Variants in NFAM1 observed in about 807,000 individuals in gnomAD.
The protein encoded by NFAM1 is NFAT activation molecule 1.
NFAM1 carries 17 observed loss-of-function variants against 29.0 expected under a neutral mutation model. The observed-to-expected ratio is 0.59, with a 90% CI of 0.40 to 0.88. The LOEUF is 0.88. Among genes scored for constraint, NFAM1 ranks in the 40% least tolerant of loss-of-function variants. The pLI is 0.00. For missense variants in NFAM1, 324 were observed against 344.6 expected, an observed-to-expected ratio of 0.94 and a Z score of 0.47; for synonymous variants, 175 against 147.2, an observed-to-expected ratio of 1.19 and a Z score of -1.36.
intron 4 of NFAM1, among the ~76,000 whole-genome samples, chr22:42,396,936 G>GGGGAGCGTGCACCTT (rs1929547691): frequency 6.8e-6 from 1 of 147,344 alleles, no homozygotes; most frequent in African/African-American, 2.6e-5. Context: ...GCGTGCACCT[G>GGGGAGCGTGCACCTT]GGGGGCGTGC....
chr22:42,422,079 T>G (rs746279194), intron 1 of NFAM1, among the ~76,000 whole-genome samples: 11 of 152,176 alleles, frequency 7.2e-5, no homozygotes, highest in Non-Finnish European at 1.2e-4. Flanking sequence ...AATGGCGCCA[T>G]CGGACAGGTT....
Position 42,388,960 on chromosome 22 carries a change from C to A in NFAM1, c.664-1882G>T, listed in dbSNP as rs917626956. On this transcript the variant is annotated intron_variant, in intron 4 of 5. Coordinates refer to ENST00000329021, the MANE Select transcript of NFAM1 (RefSeq NM_145912.8). The surrounding 1 kb of genome is among the most constrained non-coding windows in gnomAD (Gnocchi z 4.1). ...CTTCGTGCCTGTCCGGAGCACCAGC[C>A]ACCCCAGCTGGTCTGGCACCCAGGA... is the stretch of plus-strand genomic sequence containing the variant. Among the ~76,000 whole-genome samples, 3 of 152,330 alleles carry A rather than the reference C, an allele frequency of 2.0e-5. No homozygotes were observed. Among genetic ancestry groups the A allele is most frequent in the Middle Eastern group, 3.4e-3 (1 of 294 alleles).
chr22:42,400,126 G>A (rs562093202), intron 3 of NFAM1, among the ~76,000 whole-genome samples: 1 of 152,360 alleles, frequency 6.6e-6, no homozygotes, highest in Admixed American at 6.5e-5. Context: ...ATCCAGGTCT[G>A]TGTTTCACCA....
At chr22:42,410,489 T>C (rs956087980) in intron 2 of NFAM1, 1 of 382,898 alleles carries the variant, frequency 2.6e-6, no homozygotes, top group Admixed American at 2.9e-5. Flanking sequence ...CGAAATCTTG[T>C]CTCTATTAAA....
rs6002732 is a variant in NFAM1 at position 42,420,756 on chromosome 22, C to T, written c.122-9020G>A. Among the ~76,000 whole-genome samples, 315 of 152,054 alleles carry T rather than the reference C, an allele frequency of 2.1e-3. 1 individual carries two copies. Among genetic ancestry groups the T allele is most frequent in the African/African-American group, 6.5e-3 (268 of 41,436 alleles). On this transcript the variant is annotated intron_variant, in intron 1 of 5. Transcript: ENST00000329021. The stretch of plus-strand genomic sequence containing the variant: ...CTGCACTCCAGCCTGTGTGACAGAG[C>T]GAGACTCTGTCACAAACAAACAAAC...
chr22:42,394,878 G>A (rs894957794), intron 4 of NFAM1, among the ~76,000 whole-genome samples: 5 of 152,142 alleles, frequency 3.3e-5, no homozygotes, highest in African/African-American at 4.8e-5. Flanking sequence ...AGCACTTTGA[G>A]AGGCCAAGGT....
At chr22:42,397,317 G>A (rs1395305976) in intron 4 of NFAM1, among the ~76,000 whole-genome samples, 3 of 152,182 alleles carry the variant, frequency 2.0e-5, no homozygotes, top group Non-Finnish European at 4.4e-5. Flanking sequence ...CTACAACACA[G>A]CAGAGAGTGG....
chr22:42,406,296 T>C (rs1929896167), intron 3 of NFAM1, among the ~76,000 whole-genome samples: 1 of 152,240 alleles, frequency 6.6e-6, no homozygotes, highest in Non-Finnish European at 1.5e-5. Flanking sequence ...CCGGCTCCTG[T>C]CATCTCTGCC....
chr22:42,416,646 G>A (rs1293854002), intron 1 of NFAM1, among the ~76,000 whole-genome samples: 1 of 152,102 alleles, frequency 6.6e-6, no homozygotes, highest in Non-Finnish European at 1.5e-5. Flanking sequence ...CAGGGCATCC[G>A]GCCTGCCCCG....
In NFAM1 at chr22:42,411,830, G is replaced by C. The variant is rs1930105871; in HGVS notation, c.122-94C>G. 11 of 796,338 alleles carry C rather than the reference G, an allele frequency of 1.4e-5. No individual in the cohort carries two copies. In the South Asian group the frequency reaches 1.8e-4, roughly 13 times the overall value. The allele number at this position is 796,338 out of a possible 1,614,324, so 49.3% of individuals were successfully genotyped here. On this transcript the variant is annotated intron_variant, in intron 1 of 5. Coordinates refer to ENST00000329021, the MANE Select transcript of NFAM1 (RefSeq NM_145912.8). Reference sequence around the variant, plus strand: ...TTAAGGCTCACGACCGGGTGCGGTGGCTCACACCTGTAATTCCAACACTTT... The same window carrying C: ...TTAAGGCTCACGACCGGGTGCGGTGCCTCACACCTGTAATTCCAACACTTT...
chr22:42,392,403 T>C (rs1929375093), intron 4 of NFAM1, among the ~76,000 whole-genome samples: 1 of 151,884 alleles, frequency 6.6e-6, no homozygotes, highest in South Asian at 2.1e-4. Context: ...GTGGAGTCAA[T>C]GGTGACCCTG....
At chr22:42,433,530 T>G (rs1194511043), upstream of NFAM1, among the ~76,000 whole-genome samples, 1 of 152,120 alleles carries the variant, frequency 6.6e-6, no homozygotes, top group African/African-American at 2.4e-5. Flanking sequence ...CTCAGGTGTG[T>G]CCAGCTGCAG....
intron 4 of NFAM1, among the ~76,000 whole-genome samples, chr22:42,389,288 G>C (rs1214859743): frequency 6.6e-6 from 1 of 152,178 alleles, no homozygotes; most frequent in Non-Finnish European, 1.5e-5. Context: ...TACAGTGGGG[G>C]AGTCGGGGAA....
intron 2 of NFAM1, 114 bp downstream of exon 2, chr22:42,411,293 G>C: frequency 1.3e-6 from 1 of 790,160 alleles, no homozygotes; most frequent in African/African-American, 1.7e-5. Flanking sequence ...CAAAGTGCTG[G>C]GATGTGTGAG....
intron 1 of NFAM1, among the ~76,000 whole-genome samples, chr22:42,425,016 G>T (rs2030326835): frequency 6.6e-6 from 1 of 151,956 alleles, no homozygotes; most frequent in Non-Finnish European, 1.5e-5. Flanking sequence ...CTACCTCCCA[G>T]GTTCAAACAA....
chr22:42,422,409 C>T (rs1449174203), intron 1 of NFAM1, among the ~76,000 whole-genome samples: 1 of 151,752 alleles, frequency 6.6e-6, no homozygotes, highest in African/African-American at 2.4e-5. Context: ...AGTTCGAGAC[C>T]AGACTGGCCA....
intron 4 of NFAM1, among the ~76,000 whole-genome samples, chr22:42,396,867 T>C (rs1372470952): frequency 6.6e-6 from 1 of 152,138 alleles, no homozygotes; most frequent in Non-Finnish European, 1.5e-5. Flanking sequence ...GAGTCAATGT[T>C]GTGGGAACAG....
intron 1 of NFAM1, among the ~76,000 whole-genome samples, chr22:42,416,409 G>C (rs935978283): frequency 3.9e-5 from 6 of 152,200 alleles, no homozygotes; most frequent in Non-Finnish European, 5.9e-5. Flanking sequence ...TGTTGAGGAA[G>C]AAGAGCCAGC....
rs1332356176 is a variant in NFAM1 at position 42,383,363 on chromosome 22, G to A, written c.*1798C>T. Reference sequence around the variant, plus strand: ...TGCCCCCACCTCCTTGGCTGGTGGAGCCAGGAGCCTGGGAGGCCCCTGTGC... The same window carrying A: ...TGCCCCCACCTCCTTGGCTGGTGGAACCAGGAGCCTGGGAGGCCCCTGTGC... On this transcript the variant is annotated 3_prime_UTR_variant, in exon 6 of 6. Coordinates refer to ENST00000329021, the MANE Select transcript of NFAM1 (RefSeq NM_145912.8). 1 of 152,756 alleles carries A rather than the reference G, an allele frequency of 6.5e-6. No individual in the cohort carries two copies. Among genetic ancestry groups the A allele is most frequent in the African/African-American group, 2.4e-5 (1 of 41,460 alleles). 9.5% of individuals were successfully genotyped at this position (152,756 alleles called of 1,614,324 possible).
Sources: allele counts gnomAD v4.1 joint callset (sites outside exome capture counted in the v4.1 genomes callset), GRCh38; gene constraint gnomAD v4.1.1; non-coding constraint Gnocchi (gnomAD v3.1); transcripts MANE v1.5; gene names NCBI Gene and HGNC (gene_info 2026-07-23, HGNC 2026-07-21).